NSMAF: variants seen among roughly 807,000 people sequenced by gnomAD.
NSMAF encodes the protein neutral sphingomyelinase activation associated factor, also known as protein FAN.
In NSMAF, 90 loss-of-function variants were observed where a neutral mutation model predicts 134.9. The observed-to-expected ratio is 0.67, with a 90% CI of 0.56 to 0.79. The LOEUF is 0.79. Ranked by LOEUF, NSMAF falls within the 30% of genes least tolerant of loss-of-function variation. The probability of loss-of-function intolerance (pLI) is 0.00; values close to 1 mark genes in which losing one functional copy is unlikely to be tolerated. For missense variants in NSMAF, 1,010 were observed against 1,119.0 expected (o/e 0.90, Z 1.39); for synonymous variants, 358 against 389.6 (o/e 0.92, Z 0.96).
intron 24 of NSMAF, 99 bp downstream of exon 24, chr8:58,590,768 A>G: frequency 8.1e-7 from 1 of 1,237,196 alleles, no homozygotes; most frequent in Non-Finnish European, 1.1e-6. Flanking sequence ...ACAGGAATAA[A>G]CTCAATTGTT....
chr8:58,648,893 G>A (rs904702319), intron 1 of NSMAF, among the ~76,000 whole-genome samples: 12 of 152,230 alleles, frequency 7.9e-5, no homozygotes, highest in African/African-American at 2.7e-4. Context: ...TACAGAGAAC[G>A]TCTACGACAG....
chr8:58,643,486 T>C (rs1470559784), intron 1 of NSMAF, among the ~76,000 whole-genome samples: 2 of 151,776 alleles, frequency 1.3e-5, no homozygotes, highest in Non-Finnish European at 2.9e-5. Context: ...ATCTGCCTCA[T>C]GGTTATCTGA....
chr8:58,619,990 A>G (rs1294662202), intron 9 of NSMAF, among the ~76,000 whole-genome samples: 1 of 152,212 alleles, frequency 6.6e-6, no homozygotes, highest in Non-Finnish European at 1.5e-5. Context: ...TAATTAGCTT[A>G]GTGGTACCAG....
At chr8:58,590,773 A>G (rs1267888052) in intron 24 of NSMAF, 94 bp downstream of exon 24, 1 of 1,265,896 alleles carries the variant, frequency 7.9e-7, no homozygotes, top group Non-Finnish European at 1.1e-6. Context: ...AATAAACTCA[A>G]TTGTTTTGGG....
intron 12 of NSMAF, among the ~76,000 whole-genome samples, chr8:58,605,340 T>C (rs1229435721): frequency 6.6e-6 from 1 of 152,208 alleles, no homozygotes; most frequent in Non-Finnish European, 1.5e-5. Flanking sequence ...ATCACAAACA[T>C]ATGAATAACT....
At chr8:58,646,956 T>C (rs1008249271) in intron 1 of NSMAF, among the ~76,000 whole-genome samples, 1 of 152,242 alleles carries the variant, frequency 6.6e-6, no homozygotes, top group Non-Finnish European at 1.5e-5. Flanking sequence ...TATTCTTACA[T>C]CACCTAAATT....
rs1223707775 is a variant in NSMAF, at chr8:58,603,342, ACTGCAGCAT to A, written c.904_912del (p.Met302_Gln304del). ...TAGTTGGAAAGGTGTCCACGCTGCC[ACTGCAGCAT>A]GTAGCTCTCAGCAGTGTGCTCCGCC... On this transcript the variant is annotated inframe_deletion, in exon 13 of 31. Coordinates refer to ENST00000038176, the MANE Select transcript of NSMAF (RefSeq NM_003580.4). The A allele has an allele frequency of 6.2e-7, 1 of 1,614,112 alleles. No homozygotes were observed. Among genetic ancestry groups the A allele is most frequent in the South Asian group, 1.1e-5 (1 of 91,080 alleles).
Position 58,631,521 on chromosome 8 carries a change from A to C in NSMAF, c.359T>G (p.Val120Gly), listed in dbSNP as rs147469873. The stretch of plus-strand genomic sequence containing the variant: ...CCTTTCTATTTTATATGGTGCAACA[A>C]CATTATGTTCTTTAATGAAATATAC... Reference protein sequence around the residue: ...SQVYFIKEHNVVAPYKIERGK... With the variant: ...SQVYFIKEHNGVAPYKIERGK... The change falls in exon 6 of 31, where the codon GTT becomes GGT. Residue 120 changes from valine (V) to glycine (G), a missense_variant. Physicochemically the swap from Val to Gly is moderately radical, Grantham distance 109. Transcript: ENST00000038176. 8 of 1,512,974 alleles carry C rather than the reference A, an allele frequency of 5.3e-6. No homozygotes were observed. The highest frequency in any genetic ancestry group is 7.2e-6 in the Non-Finnish European group (8 of 1,115,026). The allele number at this position is 1,512,974 out of a possible 1,614,324, so 93.7% of individuals were successfully genotyped here. A position where few individuals can be genotyped will look rare whatever the true frequency, so the allele number is the denominator to read the frequency against.
At chr8:58,636,187 T>C (rs371792200) in intron 2 of NSMAF, among the ~76,000 whole-genome samples, 2 of 152,200 alleles carry the variant, frequency 1.3e-5, no homozygotes, top group African/African-American at 2.4e-5. Context: ...AAAACTCCCA[T>C]GTACCAATGG....
At chr8:58,623,616 G>C (rs1040633175) in intron 7 of NSMAF, 93 bp downstream of exon 7, 104 of 1,174,000 alleles carry the variant, frequency 8.9e-5, no homozygotes, top group Non-Finnish European at 1.2e-4. Context: ...TTAGAAAACA[G>C]ATGATGATTT....
chr8:58,646,258 T>C (rs1460119112), intron 1 of NSMAF, among the ~76,000 whole-genome samples: 2 of 152,182 alleles, frequency 1.3e-5, no homozygotes, highest in Non-Finnish European at 2.9e-5. Flanking sequence ...AATTTCAATA[T>C]AGTCACAAGA....
At chr8:58,656,488 G>T (rs6994622) in intron 1 of NSMAF, among the ~76,000 whole-genome samples, 96 of 152,248 alleles carry the variant, frequency 6.3e-4, no homozygotes, top group African/African-American at 2.1e-3. Flanking sequence ...AATATCATAT[G>T]CCCAGTTACA....
intron 20 of NSMAF, 152 bp from the exon 21 acceptor site, chr8:58,597,702 T>C (rs995173876): frequency 1.2e-5 from 11 of 943,456 alleles, no homozygotes; most frequent in African/African-American, 1.7e-5. Context: ...ATTATAGACC[T>C]TCAGAATATT....
intron 22 of NSMAF, among the ~76,000 whole-genome samples, chr8:58,595,100 T>G (rs1585728844): frequency 6.6e-6 from 1 of 152,006 alleles, no homozygotes; most frequent in South Asian, 2.1e-4. Flanking sequence ...GCCCAATTTC[T>G]TAGAAGCATA....
In NSMAF at chr8:58,635,555, C is replaced by A. The variant is rs367664145; in HGVS notation, c.150-9G>T. On this transcript the variant is annotated splice_polypyrimidine_tract_variant and intron_variant, in intron 2 of 30. Coordinates refer to ENST00000038176, the MANE Select transcript of NSMAF (RefSeq NM_003580.4). Reference sequence around the variant, plus strand: ...AGGAGCCTCTGATTTTCCTAGGGATCCAAGTACAACAGATTGTTTGATGAG... The same window carrying A: ...AGGAGCCTCTGATTTTCCTAGGGATACAAGTACAACAGATTGTTTGATGAG... 1.5e-5 allele frequency: 23 copies of A among 1,541,042 alleles called. No individual in the cohort carries two copies. The highest frequency in any genetic ancestry group is 1.8e-5 in the Non-Finnish European group (20 of 1,131,652).
At position 58,590,202 on chromosome 8, in the gene NSMAF, A is replaced by G. The variant is rs114672033; in HGVS notation, c.2020-128T>C. The G allele has an allele frequency of 1.3e-3, 998 of 764,690 alleles. 6 individuals are homozygous for G. The African/African-American group carries it at 0.016, about 12-fold the overall frequency. 47.4% of individuals were successfully genotyped at this position (764,690 alleles called of 1,614,324 possible). ...TCTTTATGTGGCTCTCCTCCTATTT[A>G]CGCAGATTTTCTCAACTGGCTAATT... is the stretch of plus-strand genomic sequence containing the variant. On this transcript the variant is annotated intron_variant, in intron 24 of 30. Transcript: ENST00000038176.
At chr8:58,608,899 C>T (rs900691594) in intron 10 of NSMAF, among the ~76,000 whole-genome samples, 1 of 152,216 alleles carries the variant, frequency 6.6e-6, no homozygotes, top group Admixed American at 6.5e-5. Flanking sequence ...CACAGCACTA[C>T]CAGGGTGTGT....
chr8:58,585,648 T>G lies in NSMAF; in HGVS notation c.2659+4A>C. 1 of 1,602,736 alleles carries G rather than the reference T, an allele frequency of 6.2e-7. No individual in the cohort carries two copies. Among genetic ancestry groups the G allele is most frequent in the South Asian group, 1.1e-5 (1 of 90,840 alleles). On this transcript the variant is annotated splice_donor_region_variant and intron_variant, in intron 30 of 30. Coordinates refer to ENST00000038176, the MANE Select transcript of NSMAF (RefSeq NM_003580.4). ...AGATCAAGGCAACTGCAGTAGCTGCTTACCTGTGTGGCCCTGTATTCTCTC... is the reference window on the plus strand; with the variant it reads ...AGATCAAGGCAACTGCAGTAGCTGCGTACCTGTGTGGCCCTGTATTCTCTC...
In NSMAF at chr8:58,615,029, A is replaced by T. The variant is rs577202913; in HGVS notation, c.558-5296T>A. Among the ~76,000 whole-genome samples the T allele has an allele frequency of 2.6e-5, 4 of 152,308 alleles. No homozygotes were observed. The East Asian group carries it at 7.7e-4, about 29-fold the overall frequency. ...AAGATGTATCATGCAATCACAACAC[A>T]TAAGAAAACTGATGTGGTTACTTTA... On this transcript the variant is annotated intron_variant, in intron 9 of 30. Transcript: ENST00000038176.
Sources: gnomAD v4.1 joint callset for allele counts (sites outside exome capture counted in the v4.1 genomes callset) on GRCh38, gnomAD v4.1.1 for gene constraint, MANE v1.5 for transcripts, NCBI Gene and HGNC (gene_info 2026-07-23, HGNC 2026-07-21) for gene names.